ZBTB16: variants seen among roughly 807,000 people sequenced by gnomAD.
The protein encoded by ZBTB16 is zinc finger and BTB domain-containing protein 16.
Under a neutral mutation model 56.8 loss-of-function variants are expected in ZBTB16, and 8 were observed. The ratio of observed to expected loss-of-function variants is 0.14; its 90% CI spans 0.08 to 0.25. ZBTB16 has a LOEUF of 0.25. Among genes scored for constraint, ZBTB16 ranks in the 10% least tolerant of loss-of-function variants. The pLI is 1.00. For missense variants in ZBTB16, 625 were observed against 903.0 expected (o/e 0.69, Z 3.95); for synonymous variants, 363 against 368.5 (o/e 0.98, Z 0.17).
At chr11:114,174,667 TAAAG>T in intron 3 of ZBTB16, among the ~76,000 whole-genome samples, 1 of 152,328 alleles carries the variant, frequency 6.6e-6, no homozygotes, top group South Asian at 2.1e-4. Context: ...ATGAAAGAAA[TAAAG>T]CCTTTTAGAA....
intron 3 of ZBTB16, among the ~76,000 whole-genome samples, chr11:114,161,147 C>T (rs1428987488): frequency 2.6e-5 from 4 of 152,160 alleles, no homozygotes; most frequent in African/African-American, 4.8e-5. Context: ...CAGACACATG[C>T]AGTGACTCAA....
rs528487253 is a variant in ZBTB16 at position 114,143,157 on chromosome 11, G to A, written c.1269-13180G>A. Among the ~76,000 whole-genome samples the A allele has an allele frequency of 3.7e-4, 57 of 152,214 alleles. No individual in the cohort carries two copies. The highest frequency in any genetic ancestry group is 1.1e-3 in the African/African-American group (44 of 41,530). ...GTGCTGGCTGATGAGGGTGAGGAGC[G>A]GTGGGTACCCGGCTCTAAGCAATAT... On this transcript the variant is annotated intron_variant, in intron 2 of 6. Coordinates refer to ENST00000335953, the MANE Select transcript of ZBTB16 (RefSeq NM_006006.6). The surrounding 1 kb of genome is among the most constrained non-coding windows in gnomAD (Gnocchi z 6.4).
chr11:114,204,692 C>T (rs905061531), intron 4 of ZBTB16, among the ~76,000 whole-genome samples: 1 of 152,114 alleles, frequency 6.6e-6, no homozygotes, highest in African/African-American at 2.4e-5. Flanking sequence ...AGATGCAGCT[C>T]ATTACCACCT....
At chr11:114,226,112 T>C (rs781468072) in intron 4 of ZBTB16, among the ~76,000 whole-genome samples, 1 of 152,156 alleles carries the variant, frequency 6.6e-6, no homozygotes, top group East Asian at 1.9e-4. Flanking sequence ...TTCTTATCAT[T>C]GTGTAGCCTC....
At chr11:114,069,178 C>A (rs1437960143) in intron 2 of ZBTB16, among the ~76,000 whole-genome samples, 1 of 152,182 alleles carries the variant, frequency 6.6e-6, no homozygotes, top group Non-Finnish European at 1.5e-5. Flanking sequence ...CTCTGCCTCC[C>A]AGGTTCACGC....
chr11:114,201,157 T>C (rs1233372535), intron 4 of ZBTB16, among the ~76,000 whole-genome samples: 1 of 152,188 alleles, frequency 6.6e-6, no homozygotes, highest in Non-Finnish European at 1.5e-5. Flanking sequence ...ATTTAGATAA[T>C]TGTACCATCA....
chr11:114,144,961 T>G (rs1286139340), intron 2 of ZBTB16, among the ~76,000 whole-genome samples: 1 of 152,242 alleles, frequency 6.6e-6, no homozygotes, highest in Non-Finnish European at 1.5e-5. Flanking sequence ...AGCTGTCTGG[T>G]GTTTTTCTTT....
intron 4 of ZBTB16, among the ~76,000 whole-genome samples, chr11:114,226,790 G>A (rs1944335205): frequency 6.6e-6 from 1 of 152,178 alleles, no homozygotes; most frequent in African/African-American, 2.4e-5. Flanking sequence ...TATAGAATCA[G>A]GAGAGCAACC....
intron 4 of ZBTB16, among the ~76,000 whole-genome samples, chr11:114,199,343 G>A (rs1030438499): frequency 1.3e-5 from 2 of 151,424 alleles, no homozygotes; most frequent in Admixed American, 6.6e-5. Flanking sequence ...CATGGATGCC[G>A]CTGGGCCCCG....
chr11:114,233,148 T>G lies in ZBTB16; in HGVS notation c.1454-9019T>G, dbSNP rs557018751. 2.8e-4 allele frequency among the ~76,000 whole-genome samples: 40 copies of G among 142,950 alleles called. 1 individual carries two copies. In the South Asian group the frequency reaches 7.2e-3, roughly 26 times the overall value. 93.8% of individuals were successfully genotyped at this position (142,950 alleles called of 152,430 possible). ...ACACTCTCTCTCTCTCACACTCCCT[T>G]TCCTTCTTCCTCTGCTTGCTCTTGG... is the stretch of plus-strand genomic sequence containing the variant. On this transcript the variant is annotated intron_variant, in intron 4 of 6. Transcript: ENST00000335953.
At chr11:114,100,858 A>G (rs1940581469) in intron 2 of ZBTB16, among the ~76,000 whole-genome samples, 1 of 152,190 alleles carries the variant, frequency 6.6e-6, no homozygotes, top group African/African-American at 2.4e-5. Context: ...AGCTTTCGCA[A>G]AACTTAAGGC....
intron 4 of ZBTB16, among the ~76,000 whole-genome samples, chr11:114,219,532 G>A (rs1210569717): frequency 6.6e-6 from 1 of 151,978 alleles, no homozygotes; most frequent in Non-Finnish European, 1.5e-5. Context: ...TAGGGTTTCT[G>A]TGTTGAGGTC....
intron 6 of ZBTB16, among the ~76,000 whole-genome samples, chr11:114,248,585 G>A (rs1321358653): frequency 6.6e-6 from 1 of 152,228 alleles, no homozygotes; most frequent in African/African-American, 2.4e-5. Flanking sequence ...CAGCTGTCCT[G>A]TCCAGAGGAA....
rs559037737 is a variant in ZBTB16 at position 114,180,400 on chromosome 11, G to C, written c.1367-6552G>C. ...GTAGTCACTCGGCAGATCACTGCCT[G>C]GGGGGCAGGAGGCTCACTGACTGTA... On this transcript the variant is annotated intron_variant, in intron 3 of 6. Transcript: ENST00000335953. Among the ~76,000 whole-genome samples, 11 of 152,314 alleles carry C rather than the reference G, an allele frequency of 7.2e-5. No homozygotes were observed. The South Asian group carries it at 2.3e-3, about 32-fold the overall frequency.
At position 114,224,306 on chromosome 11, in the gene ZBTB16, G is replaced by A. The variant is rs144728672; in HGVS notation, c.1454-17861G>A. Among the ~76,000 whole-genome samples the A allele has an allele frequency of 8.1e-4, 124 of 152,344 alleles. No individual in the cohort carries two copies. In the East Asian group the frequency reaches 0.018, roughly 22 times the overall value. On this transcript the variant is annotated intron_variant, in intron 4 of 6. Coordinates refer to ENST00000335953, the MANE Select transcript of ZBTB16 (RefSeq NM_006006.6). ...AAACATTTGGTAATTGATCTCTTTC[G>A]AGAGGTGAGAGAGGAATCTAGGATA...
rs1427728877 is a variant in ZBTB16, at chr11:114,215,091, A to C, written c.1454-27076A>C. 2.6e-5 allele frequency among the ~76,000 whole-genome samples: 4 copies of C among 152,018 alleles called. No homozygotes were observed. In the South Asian group the frequency reaches 8.3e-4, roughly 32 times the overall value. On this transcript the variant is annotated intron_variant, in intron 4 of 6. Transcript: ENST00000335953. ...CAGTTAATTGAATTTATAATTCAGC[A>C]CCAAAACGCTGAAAAGAATTGTCTT...
intron 4 of ZBTB16, among the ~76,000 whole-genome samples, chr11:114,204,644 A>G (rs2135113306): frequency 6.6e-6 from 1 of 152,120 alleles, no homozygotes; most frequent in East Asian, 1.9e-4. Flanking sequence ...TATCCAGAGG[A>G]CCTTCCAGGG....
At chr11:114,129,861 C>G (rs542421122) in intron 2 of ZBTB16, among the ~76,000 whole-genome samples, 16 of 152,362 alleles carry the variant, frequency 1.1e-4, no homozygotes, top group East Asian at 5.8e-4. Context: ...GCTTCTCCCC[C>G]CTCCTTCTCT....
chr11:114,189,499 A>G lies in ZBTB16; in HGVS notation c.1453+2461A>G, dbSNP rs1943441391. The G allele has an allele frequency of 2.0e-5, 3 of 152,236 alleles. No homozygotes were observed. The South Asian group carries it at 6.2e-4, about 32-fold the overall frequency. The allele number at this position is 152,236 out of a possible 1,614,324, so 9.4% of individuals were successfully genotyped here. On this transcript the variant is annotated intron_variant, in intron 4 of 6. Coordinates refer to ENST00000335953, the MANE Select transcript of ZBTB16 (RefSeq NM_006006.6). ...GTGTAAAATGGTGTAGCCACTTTGGAAAACATTCTGGCAATTCCTCAAGAG... is the reference window on the plus strand; with the variant it reads ...GTGTAAAATGGTGTAGCCACTTTGGGAAACATTCTGGCAATTCCTCAAGAG...
Sources: gnomAD v4.1 joint callset for allele counts (sites outside exome capture counted in the v4.1 genomes callset) on GRCh38, gnomAD v4.1.1 for gene constraint, Gnocchi (gnomAD v3.1) non-coding constraint, MANE v1.5 for transcripts, NCBI Gene and HGNC (gene_info 2026-07-23, HGNC 2026-07-21) for gene names.